The following RGS6 variants were observed in gnomAD, a reference collection of about 807,000 sequenced individuals.
RGS6 encodes regulator of G protein signaling 6.
RGS6 carries 30 observed loss-of-function variants against 78.5 expected under a neutral mutation model. The observed-to-expected ratio is 0.38, with a 90% confidence interval of 0.29 to 0.52. The LOEUF (loss-of-function observed/expected upper bound fraction) is 0.52. Among genes scored for constraint, RGS6 ranks in the 20% least tolerant of loss-of-function variants. The pLI is 0.85. For missense variants in RGS6, 495 were observed against 609.7 expected (o/e 0.81, Z 1.98); for synonymous variants, 206 against 206.0 (o/e 1.00, Z 0.00).
At chr14:72,021,395 C>T (rs2088460142) in intron 2 of RGS6, among the ~76,000 whole-genome samples, 2 of 152,086 alleles carry the variant, frequency 1.3e-5, no homozygotes, top group Admixed American at 6.5e-5. Context: ...TACTCCATAC[C>T]ACACACTGGA....
At chr14:72,424,410 A>G (rs996294164) in intron 3 of RGS6, among the ~76,000 whole-genome samples, 1 of 152,220 alleles carries the variant, frequency 6.6e-6, no homozygotes, top group African/African-American at 2.4e-5. Flanking sequence ...AACTGAGGGC[A>G]TTGCAGCTGT....
chr14:72,118,342 C>T (rs1203691485), intron 2 of RGS6, among the ~76,000 whole-genome samples: 1 of 152,092 alleles, frequency 6.6e-6, no homozygotes, highest in Non-Finnish European at 1.5e-5. Context: ...GATTATTTCC[C>T]TCCATCTATA....
At chr14:71,960,313 C>T (rs559731169) in intron 1 of RGS6, among the ~76,000 whole-genome samples, 80 of 152,314 alleles carry the variant, frequency 5.3e-4, no homozygotes, top group African/African-American at 1.9e-3. Context: ...AAGTGGATTG[C>T]TGAGTCCAGG....
chr14:71,947,396 T>G (rs1449211029), intron 1 of RGS6, among the ~76,000 whole-genome samples: 1 of 152,192 alleles, frequency 6.6e-6, no homozygotes, highest in Admixed American at 6.5e-5. Context: ...TTTCAAAAGC[T>G]TCTCTGCAAA....
chr14:72,153,844 C>T (rs1242505700), intron 2 of RGS6, among the ~76,000 whole-genome samples: 2 of 152,142 alleles, frequency 1.3e-5, no homozygotes, highest in African/African-American at 2.4e-5. Flanking sequence ...GGTCTATGTT[C>T]AGTGGTGCAC....
At chr14:72,247,289 G>C (rs370825385) in intron 2 of RGS6, among the ~76,000 whole-genome samples, 1 of 152,016 alleles carries the variant, frequency 6.6e-6, no homozygotes, top group South Asian at 2.1e-4. Flanking sequence ...TTCTTCTTTT[G>C]TGTCTCCCCA....
intron 2 of RGS6, among the ~76,000 whole-genome samples, chr14:72,158,639 C>T (rs1428420415): frequency 6.6e-6 from 1 of 152,120 alleles, no homozygotes; most frequent in African/African-American, 2.4e-5. Context: ...ACTAGAATTG[C>T]TTGGTTGAAT....
At chr14:72,074,575 G>C (rs186229866) in intron 2 of RGS6, among the ~76,000 whole-genome samples, 115 of 152,252 alleles carry the variant, frequency 7.6e-4, no homozygotes, top group Non-Finnish European at 1.5e-3. Flanking sequence ...AAAATAGTCA[G>C]ATTTTCAGAG....
the RGS6 span, among the ~76,000 whole-genome samples, chr14:72,594,094 C>T: frequency 1.3e-5 from 2 of 152,086 alleles, no homozygotes; most frequent in East Asian, 1.9e-4. Flanking sequence ...GCTTATGAAA[C>T]GTCTTTTAAT....
At chr14:72,437,061 C>T (rs1259837545) in intron 3 of RGS6, among the ~76,000 whole-genome samples, 1 of 151,146 alleles carries the variant, frequency 6.6e-6, no homozygotes, top group Admixed American at 6.6e-5. Context: ...TGGCTCATGC[C>T]TGTAATCCCA....
intron 2 of RGS6, among the ~76,000 whole-genome samples, chr14:72,315,540 A>C (rs2069901277): frequency 6.6e-6 from 1 of 152,140 alleles, no homozygotes; most frequent in African/African-American, 2.4e-5. Context: ...ATCCCCCTGC[A>C]TTTTTCTGGG....
chr14:72,322,751 ATTAAT>A (rs1304607554), intron 2 of RGS6, among the ~76,000 whole-genome samples: 16 of 152,292 alleles, frequency 1.1e-4, no homozygotes, highest in East Asian at 1.9e-4. Flanking sequence ...TCACAACTGT[ATTAAT>A]TTAATTCATA....
chr14:72,325,435 A>G (rs1015130459), intron 2 of RGS6, among the ~76,000 whole-genome samples: 2 of 152,112 alleles, frequency 1.3e-5, no homozygotes, highest in African/African-American at 4.8e-5. Context: ...GCCCATGCCT[A>G]TGTCCTGAAT....
the RGS6 span, among the ~76,000 whole-genome samples, chr14:71,913,491 T>G: frequency 6.6e-6 from 1 of 152,222 alleles, no homozygotes; most frequent in Non-Finnish European, 1.5e-5. Context: ...GGGATTTGGC[T>G]AAGGGAACTG....
intron 2 of RGS6, among the ~76,000 whole-genome samples, chr14:72,277,642 G>A (rs1221758438): frequency 6.6e-6 from 1 of 151,110 alleles, no homozygotes; most frequent in Non-Finnish European, 1.5e-5. Context: ...CTACTCTCCA[G>A]GCCAGGTGCA....
intron 2 of RGS6, among the ~76,000 whole-genome samples, chr14:72,298,728 G>C (rs998647583): frequency 6.6e-6 from 1 of 152,278 alleles, no homozygotes; most frequent in East Asian, 1.9e-4. Flanking sequence ...GATTACAGGC[G>C]TGAGCCACTG....
the RGS6 span, among the ~76,000 whole-genome samples, chr14:71,925,558 C>A: frequency 6.6e-6 from 1 of 151,996 alleles, no homozygotes; most frequent in Non-Finnish European, 1.5e-5. Context: ...GGTCTTTAAT[C>A]CATTTTGAGT....
At chr14:72,314,904 G>A (rs1198684525) in intron 2 of RGS6, among the ~76,000 whole-genome samples, 2 of 152,190 alleles carry the variant, frequency 1.3e-5, no homozygotes, top group African/African-American at 4.8e-5. Flanking sequence ...TGCATGTGAA[G>A]TTTCGTAGAA....
intron 2 of RGS6, among the ~76,000 whole-genome samples, chr14:72,226,830 C>T (rs536071597): frequency 4.6e-5 from 7 of 152,150 alleles, no homozygotes; most frequent in South Asian, 2.1e-4. Context: ...AGCCTCCAGG[C>T]GCATTCCACC....
Sources: allele counts gnomAD v4.1 joint callset (sites outside exome capture counted in the v4.1 genomes callset), GRCh38; gene constraint gnomAD v4.1.1; transcripts MANE v1.5; gene names NCBI Gene and HGNC (gene_info 2026-07-23, HGNC 2026-07-21).